The following RARB variants were observed in gnomAD, a reference collection of about 807,000 sequenced individuals.
RARB encodes HBV-activated protein.
In RARB, 17 loss-of-function variants were observed where a neutral mutation model predicts 51.9. The observed-to-expected ratio is 0.33, with a 90% CI of 0.22 to 0.49. The LOEUF (loss-of-function observed/expected upper bound fraction) is 0.49. Among genes scored for constraint, RARB ranks in the 20% least tolerant of loss-of-function variants. The pLI is 0.99. For synonymous variants in RARB, 215 were observed against 195.4 expected (o/e 1.10, Z -0.84); for missense variants, 369 against 550.8 (o/e 0.67, Z 3.30).
intron 2 of RARB, among the ~76,000 whole-genome samples, chr3:24,913,068 C>T (rs1395609022): frequency 3.4e-5 from 5 of 146,988 alleles, no homozygotes; most frequent in African/African-American, 7.4e-5. Context: ...GCAAGCTCCG[C>T]CTCCCAGGTT....
chr3:25,243,792 C>T (rs986917174), intron 5 of RARB, among the ~76,000 whole-genome samples: 5 of 152,106 alleles, frequency 3.3e-5, no homozygotes, highest in African/African-American at 1.2e-4. Flanking sequence ...GTGTCTCTTT[C>T]AGGTTTTGGT....
chr3:25,580,542 C>T lies in RARB; in HGVS notation c.610-4C>T, dbSNP rs1477091860. 6 of 1,577,962 alleles carry T rather than the reference C, an allele frequency of 3.8e-6. No individual in the cohort carries two copies. The highest frequency in any genetic ancestry group is 5.2e-6 in the Non-Finnish European group (6 of 1,152,516). On this transcript the variant is annotated splice_polypyrimidine_tract_variant and splice_region_variant and intron_variant, in intron 4 of 7. Transcript: ENST00000330688. The stretch of plus-strand genomic sequence containing the variant: ...TATCTGATGACATTTTCTCTCTCTC[C>T]TAGAATTCCAGTGCTGACCATCGAG...
In RARB at chr3:25,390,050, C is replaced by T. The variant is rs562623997; in HGVS notation, c.179-71143C>T. 3.3e-5 allele frequency among the ~76,000 whole-genome samples: 5 copies of T among 152,134 alleles called. No homozygotes were observed. The Middle Eastern group carries it at 0.01, about 310-fold the overall frequency. On this transcript the variant is annotated intron_variant, in intron 5 of 11. Transcript: ENST00000383772. ...AAGGGGCTGAGGTTATTTATCTTAT[C>T]GAGTGCTGTTGTCTGAATGTTTGTA...
intron 5 of RARB, among the ~76,000 whole-genome samples, chr3:25,364,965 C>G (rs1001004915): frequency 1.3e-5 from 2 of 152,054 alleles, no homozygotes; most frequent in African/African-American, 4.8e-5. Context: ...TATCATTATC[C>G]TAGAATCTGA....
intron 5 of RARB, among the ~76,000 whole-genome samples, chr3:25,237,674 C>T (rs1247091302): frequency 3.3e-5 from 5 of 152,026 alleles, no homozygotes; most frequent in Admixed American, 3.3e-4. Flanking sequence ...TCATCACTAT[C>T]TAATTCCAGA....
intron 2 of RARB, among the ~76,000 whole-genome samples, chr3:24,870,099 G>GA (rs1702920555): frequency 1.3e-5 from 2 of 151,944 alleles, no homozygotes; most frequent in Admixed American, 1.3e-4. Flanking sequence ...GTATATCCTG[G>GA]AGACTAATCT....
At chr3:25,372,292 C>T (rs1233152243) in intron 5 of RARB, among the ~76,000 whole-genome samples, 2 of 152,118 alleles carry the variant, frequency 1.3e-5, no homozygotes, top group Non-Finnish European at 2.9e-5. Context: ...TAGCAACATC[C>T]CCGGATTCTA....
intron 2 of RARB, among the ~76,000 whole-genome samples, chr3:25,039,616 T>C (rs1312069664): frequency 6.6e-6 from 1 of 152,196 alleles, no homozygotes; most frequent in Non-Finnish European, 1.5e-5. Flanking sequence ...TTAAAAATAA[T>C]GAAAAAGCTA....
intron 2 of RARB, among the ~76,000 whole-genome samples, chr3:24,906,211 G>A (rs893353925): frequency 8.5e-5 from 13 of 152,182 alleles, no homozygotes; most frequent in African/African-American, 3.1e-4. Flanking sequence ...CTAGTAGCTG[G>A]GTAGAAGTAG....
chr3:24,897,635 G>GTATCATT (rs1703505496), intron 2 of RARB, among the ~76,000 whole-genome samples: 1 of 152,078 alleles, frequency 6.6e-6, no homozygotes, highest in Admixed American at 6.5e-5. Context: ...ACTTTACGTG[G>GTATCATT]TGGTTATTCT....
chr3:25,514,310 C>G (rs1222622655), intron 3 of RARB, among the ~76,000 whole-genome samples: 1 of 152,174 alleles, frequency 6.6e-6, no homozygotes, highest in African/African-American at 2.4e-5. Flanking sequence ...TTTCTTTCAT[C>G]CTTCTCCCTT....
intron 2 of RARB, among the ~76,000 whole-genome samples, chr3:25,002,287 C>A (rs1697177532): frequency 6.6e-6 from 1 of 152,162 alleles, no homozygotes; most frequent in African/African-American, 2.4e-5. Flanking sequence ...AGGAGATAGA[C>A]AAGATCGTTT....
chr3:24,938,188 G>A (rs1695585406), intron 2 of RARB, among the ~76,000 whole-genome samples: 2 of 152,132 alleles, frequency 1.3e-5, no homozygotes, highest in South Asian at 2.1e-4. Flanking sequence ...AGCCTTTCAG[G>A]TGTTAAGTTG....
At chr3:25,065,269 G>T (rs6767671) in intron 3 of RARB, among the ~76,000 whole-genome samples, 83,730 of 151,918 alleles carry the variant, frequency 0.55, 23,233 homozygotes, top group East Asian at 0.6. Flanking sequence ...CAAGTAGGAA[G>T]AAATATCACT....
chr3:25,240,818 G>T (rs1249479580), intron 5 of RARB, among the ~76,000 whole-genome samples: 2 of 152,082 alleles, frequency 1.3e-5, no homozygotes, highest in African/African-American at 4.8e-5. Context: ...TCTTTGTCTG[G>T]TTTTTGTATC....
At chr3:25,249,360 C>T (rs1702647474) in intron 5 of RARB, among the ~76,000 whole-genome samples, 1 of 151,748 alleles carries the variant, frequency 6.6e-6, no homozygotes, top group African/African-American at 2.4e-5. Flanking sequence ...TTGTATTGTT[C>T]ATTTGTGTTC....
intron 5 of RARB, among the ~76,000 whole-genome samples, chr3:25,332,187 C>G (rs919342546): frequency 9.2e-5 from 14 of 152,156 alleles, no homozygotes; most frequent in Non-Finnish European, 1.8e-4. Context: ...AGGCCAGCAT[C>G]ATCCTGATAC....
At chr3:25,292,489 GA>G (rs1703814328) in intron 5 of RARB, among the ~76,000 whole-genome samples, 1 of 152,124 alleles carries the variant, frequency 6.6e-6, no homozygotes, top group African/African-American at 2.4e-5. Context: ...AAGAGATGGG[GA>G]AAAGCCTATA....
At chr3:24,907,424 G>A (rs1384184760) in intron 2 of RARB, among the ~76,000 whole-genome samples, 1 of 152,164 alleles carries the variant, frequency 6.6e-6, no homozygotes, top group Non-Finnish European at 1.5e-5. Flanking sequence ...TGAGAGGGAA[G>A]AGCTAAAGGG....
Sources: allele counts gnomAD v4.1 joint callset (sites outside exome capture counted in the v4.1 genomes callset), GRCh38; gene constraint gnomAD v4.1.1; transcripts MANE v1.5; gene names NCBI Gene and HGNC (gene_info 2026-07-23, HGNC 2026-07-21).